The following FBXO36 variants were observed in gnomAD, a reference collection of about 807,000 sequenced individuals.
FBXO36 encodes F-box protein 36, also known as F-box only protein 36.
A neutral mutation model predicts 17.0 loss-of-function variants in FBXO36; 18 were observed. The observed-to-expected ratio is 1.06, with a 90% CI of 0.73 to 1.57. The LOEUF is 1.57. Among genes scored for constraint, FBXO36 ranks in the 40% most tolerant of loss-of-function variants. FBXO36 has a pLI of 0.00. For synonymous variants in FBXO36, 83 were observed against 85.3 expected (o/e 0.97, Z 0.15); for missense variants, 229 against 221.9 (o/e 1.03, Z -0.20).
Position 229,941,463 on chromosome 2 carries a change from C to G in FBXO36, c.96+18854C>G, listed in dbSNP as rs1004661011. ...GAGCGAGACTCCGTCTCAAAAAAAA[C>G]AACAACAAAAAAGAAAATGGGGACT... On this transcript the variant is annotated intron_variant, in intron 1 of 3. Coordinates refer to ENST00000283946, the MANE Select transcript of FBXO36 (RefSeq NM_174899.5). 4.6e-5 allele frequency among the ~76,000 whole-genome samples: 7 copies of G among 151,562 alleles called. No homozygotes were observed. In the East Asian group the frequency reaches 1.4e-3, roughly 30 times the overall value.
intron 1 of FBXO36, among the ~76,000 whole-genome samples, chr2:229,970,076 A>AT (rs2077173319): frequency 6.6e-6 from 1 of 152,198 alleles, no homozygotes; most frequent in Non-Finnish European, 1.5e-5. Flanking sequence ...TAAAGTGCCC[A>AT]TTACCATTTT....
chr2:229,924,340 G>A (rs1007501233), intron 1 of FBXO36, among the ~76,000 whole-genome samples: 1 of 152,186 alleles, frequency 6.6e-6, no homozygotes. Context: ...TGATCCAGCT[G>A]CCTCGGCCTC....
At chr2:229,990,132 T>C (rs922845447) in intron 2 of FBXO36, among the ~76,000 whole-genome samples, 2 of 151,668 alleles carry the variant, frequency 1.3e-5, no homozygotes, top group African/African-American at 4.8e-5. Flanking sequence ...TTAAGTTCTC[T>C]CCATATTCCA....
At chr2:229,962,746 C>A (rs771741926) in intron 1 of FBXO36, among the ~76,000 whole-genome samples, 1 of 151,700 alleles carries the variant, frequency 6.6e-6, no homozygotes, top group Non-Finnish European at 1.5e-5. Flanking sequence ...GGTGCGATCT[C>A]GGCTCACTTC....
chr2:229,975,894 G>A (rs968668841), intron 1 of FBXO36, among the ~76,000 whole-genome samples: 3 of 151,898 alleles, frequency 2.0e-5, no homozygotes, highest in Non-Finnish European at 4.4e-5. Flanking sequence ...TGCAACCTCC[G>A]TCTCTAGTGT....
intron 1 of FBXO36, among the ~76,000 whole-genome samples, chr2:229,966,096 T>C (rs963890421): frequency 4.6e-5 from 7 of 152,326 alleles, no homozygotes; most frequent in South Asian, 4.1e-4. Flanking sequence ...TGGTATCTCA[T>C]TGTGGTTTTG....
chr2:229,953,219 A>G (rs1020678256), intron 1 of FBXO36, among the ~76,000 whole-genome samples: 1 of 152,028 alleles, frequency 6.6e-6, no homozygotes, highest in Non-Finnish European at 1.5e-5. Context: ...GGCGCCTGTA[A>G]TCCCAGCTAC....
intron 1 of FBXO36, among the ~76,000 whole-genome samples, chr2:229,944,678 C>G (rs916768975): frequency 4.6e-5 from 7 of 150,882 alleles, no homozygotes; most frequent in Admixed American, 4.0e-4. Flanking sequence ...CTGCAAGCTC[C>G]GCCTCCTGGG....
chr2:229,946,436 C>T (rs2077027488), intron 1 of FBXO36, among the ~76,000 whole-genome samples: 1 of 152,194 alleles, frequency 6.6e-6, no homozygotes, highest in Non-Finnish European at 1.5e-5. Flanking sequence ...ATCCCCTTAA[C>T]TTGGCCTTTT....
intron 2 of FBXO36, among the ~76,000 whole-genome samples, chr2:229,979,318 C>T (rs2077226006): frequency 6.6e-6 from 1 of 150,884 alleles, no homozygotes; most frequent in African/African-American, 2.4e-5. Flanking sequence ...GGCAACATGG[C>T]AAGACTCCAT....
chr2:229,923,127 C>G (rs988138676), intron 1 of FBXO36: 3 of 153,994 alleles, frequency 1.9e-5, no homozygotes, highest in African/African-American at 7.2e-5. Context: ...CTAGTAGCAA[C>G]TGACGATTGG....
intron 3 of FBXO36, 149 bp downstream of exon 3, chr2:229,997,072 C>G (rs925980510): frequency 2.9e-5 from 20 of 696,716 alleles, no homozygotes; most frequent in Non-Finnish European, 4.6e-5. Flanking sequence ...ACATTCCTCC[C>G]CTCAAAGAAC....
intron 3 of FBXO36, among the ~76,000 whole-genome samples, chr2:230,002,668 G>A (rs564128250): frequency 1.2e-4 from 18 of 152,188 alleles, no homozygotes; most frequent in South Asian, 4.1e-4. Context: ...ACAGGCATGC[G>A]CCACCATGCC....
chr2:229,933,445 C>G (rs572870427), intron 1 of FBXO36, among the ~76,000 whole-genome samples: 2 of 152,156 alleles, frequency 1.3e-5, no homozygotes, highest in Non-Finnish European at 2.9e-5. Flanking sequence ...AGCTGTGTGA[C>G]CTGGCGTAAC....
chr2:229,937,709 T>A (rs971118494), intron 1 of FBXO36: 1 of 152,146 alleles, frequency 6.6e-6, no homozygotes, highest in Admixed American at 6.6e-5. Context: ...GAGGAGCCTT[T>A]CCTGACCTTC....
chr2:229,965,338 C>CT (rs950961857), intron 1 of FBXO36, among the ~76,000 whole-genome samples: 5 of 148,342 alleles, frequency 3.4e-5, no homozygotes, highest in Non-Finnish European at 6.0e-5. Flanking sequence ...AATGAATTTT[C>CT]TTTTTTTTTC....
chr2:230,000,873 T>G (rs2077354938), intron 3 of FBXO36, among the ~76,000 whole-genome samples: 1 of 86,948 alleles, frequency 1.2e-5, no homozygotes, highest in Admixed American at 1.2e-4. Flanking sequence ...TTTTTTTTTT[T>G]GAGTCAGAGT....
intron 2 of FBXO36, among the ~76,000 whole-genome samples, chr2:229,980,607 G>A (rs114579661): frequency 6.6e-6 from 1 of 151,878 alleles, no homozygotes; most frequent in Non-Finnish European, 1.5e-5. Flanking sequence ...TAAGAGATTG[G>A]GGGGAGGGGT....
chr2:229,992,041 C>G (rs377143515), intron 2 of FBXO36, among the ~76,000 whole-genome samples: 1 of 152,270 alleles, frequency 6.6e-6, no homozygotes, highest in East Asian at 1.9e-4. Flanking sequence ...TTTAGCTTGT[C>G]TCTTTTCTCT....
Sources: gnomAD v4.1 joint callset for allele counts (sites outside exome capture counted in the v4.1 genomes callset) on GRCh38, gnomAD v4.1.1 for gene constraint, MANE v1.5 for transcripts, NCBI Gene and HGNC (gene_info 2026-07-23, HGNC 2026-07-21) for gene names.